SAMD9: variants seen among roughly 807,000 people sequenced by gnomAD.
SAMD9 encodes the protein sterile alpha motif domain-containing protein 9.
In SAMD9, 3 loss-of-function variants were observed where a neutral mutation model predicts 1.5. That is an observed-to-expected ratio of 2.05 (90% CI 0.93 to 5.29). The LOEUF is 5.29. Among genes scored for constraint, SAMD9 ranks in the 30% most tolerant of loss-of-function variants. The pLI is 0.02. For missense variants in SAMD9, 1,597 were observed against 1,820.8 expected (o/e 0.88, Z 2.24); for synonymous variants, 635 against 631.9 (o/e 1.00, Z -0.07).
Position 93,105,982 on chromosome 7 carries a change from T to A in SAMD9, c.116A>T (p.Gln39Leu), listed in dbSNP as rs745435231. ...DQKHREILTE[Q>L]DVNGAVLKWL... ...CTTCAAGACTGCTCCATTCACGTCTTGTTCAGTCAAAATTTCCCTGTGTTT... is the reference window on the plus strand; with the variant it reads ...CTTCAAGACTGCTCCATTCACGTCTAGTTCAGTCAAAATTTCCCTGTGTTT... Residue 39 changes from glutamine to leucine, a missense_variant, in exon 3 of 3, where the codon CAA (glutamine) becomes CTA (leucine). Physicochemically the swap from Gln to Leu is moderately radical, Grantham distance 113. This residue lies in a region of SAMD9 where 498 missense variants were observed against 457.4 expected (regional missense o/e 1.09). Transcript: ENST00000379958. 6.3e-7 allele frequency: 1 copy of A among 1,597,322 alleles called. No individual in the cohort carries two copies.
chr7:93,113,757 C>G (rs1191939619), intron 2 of SAMD9, among the ~76,000 whole-genome samples: 1 of 152,172 alleles, frequency 6.6e-6, no homozygotes, highest in Non-Finnish European at 1.5e-5. Flanking sequence ...GATACCATCT[C>G]ACACCAGTTA....
chr7:93,110,538 A>G (rs1382078363), intron 2 of SAMD9, among the ~76,000 whole-genome samples: 1 of 152,242 alleles, frequency 6.6e-6, no homozygotes. Flanking sequence ...AAGATCCATC[A>G]GTGTGCTGTA....
chr7:93,103,884 A>G lies in SAMD9; in HGVS notation c.2214T>C (p.His738=). ...TSTKIIHLYH[H]PGCGGTTLAM... ...CCAAGGTAGTTCCCCCACAGCCTGG[A>G]TGATGATACAGATGAATAATTTTGG... The change falls in exon 3 of 3, where the codon CAT becomes CAC. Residue 738 remains histidine (H), a synonymous_variant. Transcript: ENST00000379958. The G allele has an allele frequency of 6.2e-7, 1 of 1,614,016 alleles. No homozygotes were observed. The highest frequency in any genetic ancestry group is 8.5e-7 in the Non-Finnish European group (1 of 1,179,864).
rs1791606733 is a variant in SAMD9 at position 93,104,989 on chromosome 7, G to A, written c.1109C>T (p.Ala370Val). Residue 370 changes from alanine (A) to valine (V), a missense_variant, in exon 3 of 3, where the codon GCA becomes GTA. Physicochemically the swap from Ala to Val is moderately conservative, Grantham distance 64. This residue lies in a region of SAMD9 where 498 missense variants were observed against 457.4 expected (regional missense o/e 1.09). Transcript: ENST00000379958. ...RAFKADFKTL[A>V]ESRKAAEEKF... ...TTCTTCTGCTGCTTTTCTGGACTCT[G>A]CCAGTGTTTTAAAATCTGCTTTAAA... 2 of 1,613,162 alleles carry A rather than the reference G, an allele frequency of 1.2e-6. No individual in the cohort carries two copies. The highest frequency in any genetic ancestry group is 1.1e-5 in the South Asian group (1 of 90,990).
At position 93,101,556 on chromosome 7, in the gene SAMD9, A is replaced by G. The variant is rs1239305905; in HGVS notation, c.4542T>C (p.Ser1514=). ...KTPDINSLWQ[S]GDVWKEEKVQ... ...CTTTTTCCTCCTTCCACACATCTCC[A>G]CTCTGCCACAAGGAATTAATATCTG... Residue 1514 remains serine (S), a synonymous_variant, in exon 3 of 3, where the codon AGT becomes AGC. Transcript: ENST00000379958. The G allele has an allele frequency of 1.2e-6, 2 of 1,613,692 alleles. No homozygotes were observed. The highest frequency in any genetic ancestry group is 1.7e-6 in the Non-Finnish European group (2 of 1,179,748).
In SAMD9 at chr7:93,103,337, G is replaced by A; in HGVS notation, c.2761C>T (p.Leu921=). The A allele has an allele frequency of 6.2e-7, 1 of 1,613,550 alleles. No homozygotes were observed. Among genetic ancestry groups the A allele is most frequent in the Non-Finnish European group, 8.5e-7 (1 of 1,179,644 alleles). The change falls in exon 3 of 3, where the codon CTG becomes TTG. Residue 921 remains leucine (L), a synonymous_variant. Coordinates refer to ENST00000379958, the MANE Select transcript of SAMD9 (RefSeq NM_017654.4). ...GGCACATATGAATTAAGAAGAGCCAGAAAAGAAAAGAGCTTTGCTTCCTTG... is the reference window on the plus strand; with the variant it reads ...GGCACATATGAATTAAGAAGAGCCAAAAAAGAAAAGAGCTTTGCTTCCTTG... ...FTKEAKLFSF[L]ALLNSYVPDT... is the part of the protein sequence containing the mutation.
In SAMD9 at chr7:93,101,901, T is replaced by C. The variant is rs1453358283; in HGVS notation, c.4197A>G (p.Gln1399=). ...CTGGCTTTACTAATCTGGAGGTAGGTTGGATACAGGAGAGAATAATGTTGG... is the reference window on the plus strand; with the variant it reads ...CTGGCTTTACTAATCTGGAGGTAGGCTGGATACAGGAGAGAATAATGTTGG... ...ILANIILSCI[Q]PTSRLVKPVE... is the part of the protein sequence containing the mutation. The change falls in exon 3 of 3, where the codon CAA becomes CAG. Residue 1399 remains glutamine (Q), a synonymous_variant. Coordinates refer to ENST00000379958, the MANE Select transcript of SAMD9 (RefSeq NM_017654.4). 9 of 1,613,860 alleles carry C rather than the reference T, an allele frequency of 5.6e-6. No homozygotes were observed. Among genetic ancestry groups the C allele is most frequent in the Non-Finnish European group, 7.6e-6 (9 of 1,179,760 alleles).
chr7:93,102,502 C>CATCA lies in SAMD9; in HGVS notation c.3595_3596insTGAT (p.Gly1199ValfsTer21). On this transcript the variant is annotated frameshift_variant, in exon 3 of 3. Transcript: ENST00000379958. LOFTEE classifies it low-confidence loss of function (END_TRUNC). The stretch of plus-strand genomic sequence containing the variant: ...TGTGTAAAGCCCAACTTCTATCTCT[C>CATCA]CTTGATAACCAGCTATATTGTAAGT... 1 of 1,613,722 alleles carries CATCA rather than the reference C, an allele frequency of 6.2e-7. No individual in the cohort carries two copies. The highest frequency in any genetic ancestry group is 2.2e-5 in the East Asian group (1 of 44,856).
chr7:93,107,045 T>A (rs1791658502), intron 2 of SAMD9, among the ~76,000 whole-genome samples: 1 of 146,690 alleles, frequency 6.8e-6, no homozygotes, highest in Non-Finnish European at 1.5e-5. Context: ...GTATTTTAAT[T>A]TTTTTTTTTT....
Position 93,101,230 on chromosome 7 carries a change from C to T in SAMD9, c.*98G>A, listed in dbSNP as rs113737569. On this transcript the variant is annotated 3_prime_UTR_variant, in exon 3 of 3. Transcript: ENST00000379958. ...ATGTACAGATCTGAAGAGCTAGAGG[C>T]TGTATCTATAACCTTGCCGGTTTAA... is the stretch of plus-strand genomic sequence containing the variant. 1.0e-5 allele frequency: 9 copies of T among 872,972 alleles called. No individual in the cohort carries two copies. The highest frequency in any genetic ancestry group is 6.6e-5 in the African/African-American group (4 of 60,808). The allele number at this position is 872,972 out of a possible 1,614,324, so 54.1% of individuals were successfully genotyped here.
At position 93,100,516 on chromosome 7, in the gene SAMD9, G is replaced by T. The variant is rs117216465; in HGVS notation, c.*812C>A. ...TAGGGGAAAATTACATTTTGATTAC[G>T]TATCGCTGGTTGTTTTTGTTCAAAA... On this transcript the variant is annotated 3_prime_UTR_variant, in exon 3 of 3. Transcript: ENST00000379958. 6.6e-6 allele frequency: 1 copy of T among 152,012 alleles called. No individual in the cohort carries two copies. Among genetic ancestry groups the T allele is most frequent in the Non-Finnish European group, 1.5e-5 (1 of 67,980 alleles). The allele number at this position is 152,012 out of a possible 1,614,324, so 9.4% of individuals were successfully genotyped here.
At chr7:93,114,184 C>T (rs13235714) in intron 2 of SAMD9, among the ~76,000 whole-genome samples, 17,953 of 151,694 alleles carry the variant, frequency 0.12, 1,119 homozygotes, top group Middle Eastern at 0.15. Flanking sequence ...TCATTCTGAG[C>T]AAAGTGTTGC....
rs146732631 is a variant in SAMD9, at chr7:93,101,440, A to G, written c.4658T>C (p.Ile1553Thr). Reference protein sequence around the residue: ...YGINEKITIPITPAFLGQLRS... With the variant: ...YGINEKITIPTTPAFLGQLRS... ...AAGTTGACCTAAAAAAGCGGGAGTG[A>G]TGGGTATTGTGATTTTTTCATTGAT... is the stretch of plus-strand genomic sequence containing the variant. The change falls in exon 3 of 3, where the codon ATC becomes ACC. Residue 1553 changes from isoleucine to threonine, a missense_variant. Ile to Thr is a moderately conservative substitution (Grantham distance 89). Transcript: ENST00000379958. The G allele has an allele frequency of 9.6e-5, 155 of 1,613,590 alleles. No individual in the cohort carries two copies. Among genetic ancestry groups the G allele is most frequent in the Non-Finnish European group, 1.2e-4 (145 of 1,179,670 alleles).
rs1277795266 is a variant in SAMD9 at position 93,111,850 on chromosome 7, T to A, written c.-9+2945A>T. On this transcript the variant is annotated intron_variant, in intron 2 of 2. Transcript: ENST00000379958. ...CAACCAAAAAAAGTCCAGGACCAGA[T>A]GGATTCACAGCCAAATTCTACCAGA... Among the ~76,000 whole-genome samples the A allele has an allele frequency of 3.3e-5, 5 of 152,262 alleles. No individual in the cohort carries two copies. In the East Asian group the frequency reaches 9.6e-4, roughly 29 times the overall value.
In SAMD9 at chr7:93,104,935, T is replaced by C; in HGVS notation, c.1163A>G (p.Glu388Gly). The change falls in exon 3 of 3, where the codon GAA becomes GGA. Residue 388 changes from glutamate (E) to glycine (G), a missense_variant. Glu to Gly is a moderately conservative substitution (Grantham distance 98). Coordinates refer to ENST00000379958, the MANE Select transcript of SAMD9 (RefSeq NM_017654.4). Reference sequence around the variant, plus strand: ...TTTAACCAACTTTGGTCCCTCTCTTTCTTTTTTATTTGTTTTTGCTCTGAA... The same window carrying C: ...TTTAACCAACTTTGGTCCCTCTCTTCCTTTTTTATTTGTTTTTGCTCTGAA... ...EKFRAKTNKK[E>G]REGPKLVKLL... The C allele has an allele frequency of 6.2e-7, 1 of 1,611,348 alleles. No individual in the cohort carries two copies. The highest frequency in any genetic ancestry group is 8.5e-7 in the Non-Finnish European group (1 of 1,179,224).
rs150846245 is a variant in SAMD9 at position 93,105,215 on chromosome 7, G to C, written c.883C>G (p.Pro295Ala). Residue 295 changes from proline to alanine, a missense_variant, in exon 3 of 3, where the codon CCA becomes GCA. This residue lies in a region of SAMD9 where 498 missense variants were observed against 457.4 expected (regional missense o/e 1.09). Transcript: ENST00000379958. Reference sequence around the variant, plus strand: ...AATCTGTCAGATAGAGTACTATTTGGCAGTAAAACTTCCACAAATCTTGGC... The same window carrying C: ...AATCTGTCAGATAGAGTACTATTTGCCAGTAAAACTTCCACAAATCTTGGC... ...REPRFVEVLL[P>A]NSTLSDRFVI... The C allele has an allele frequency of 4.3e-6, 7 of 1,613,572 alleles. No homozygotes were observed. The African/African-American group carries it at 9.4e-5, about 22-fold the overall frequency.
intron 2 of SAMD9, among the ~76,000 whole-genome samples, chr7:93,111,359 G>T (rs1340594404): frequency 2.0e-5 from 3 of 152,204 alleles, no homozygotes; most frequent in Non-Finnish European, 4.4e-5. Context: ...TAGCAGGAAA[G>T]ATCTAAAATT....
In SAMD9 at chr7:93,099,719, A is replaced by G. The variant is rs1260213821; in HGVS notation, c.*1609T>C. ...TTACAAGAGAAAATTTCAAAAGCAT[A>G]ATCAGTAAGAGGGAGAAAAGTGTGC... is the stretch of plus-strand genomic sequence containing the variant. On this transcript the variant is annotated 3_prime_UTR_variant, in exon 3 of 3. Transcript: ENST00000379958. The G allele has an allele frequency of 6.6e-6, 1 of 152,190 alleles. No homozygotes were observed. The highest frequency in any genetic ancestry group is 1.5e-5 in the Non-Finnish European group (1 of 68,026). 9.4% of individuals were successfully genotyped at this position (152,190 alleles called of 1,614,324 possible).
At chr7:93,112,531 T>C (rs913637623) in intron 2 of SAMD9, among the ~76,000 whole-genome samples, 1 of 152,194 alleles carries the variant, frequency 6.6e-6, no homozygotes, top group Non-Finnish European at 1.5e-5. Context: ...TGTTTGCAGA[T>C]GACATGATTG....
Sources: gnomAD v4.1 joint callset for allele counts (sites outside exome capture counted in the v4.1 genomes callset) on GRCh38, gnomAD v4.1.1 for gene constraint, gnomAD v4.1.1 regional missense constraint, MANE v1.5 for transcripts, NCBI Gene and HGNC (gene_info 2026-07-23, HGNC 2026-07-21) for gene names.